Variants in PRICKLE2 observed in about 807,000 individuals in gnomAD.
The protein encoded by PRICKLE2 is prickle-like protein 2.
Under a neutral mutation model 81.4 loss-of-function variants are expected in PRICKLE2, and 21 were observed. The ratio of observed to expected loss-of-function variants is 0.26; its 90% CI spans 0.18 to 0.37. The LOEUF is 0.37. Ranked by LOEUF, PRICKLE2 falls within the 10% of genes least tolerant of loss-of-function variation. PRICKLE2 has a pLI of 1.00. For synonymous variants in PRICKLE2, 456 were observed against 421.5 expected, an observed-to-expected ratio of 1.08 and a Z score of -1.00; for missense variants, 940 against 1,109.0, an observed-to-expected ratio of 0.85 and a Z score of 2.16.
intron 7 of PRICKLE2, among the ~76,000 whole-genome samples, chr3:64,122,912 G>A (rs1330543751): frequency 2.0e-5 from 3 of 152,148 alleles, no homozygotes; most frequent in Non-Finnish European, 4.4e-5. Flanking sequence ...AAGAGAGGGA[G>A]GAACTTTGCT....
rs755914132 is a variant in PRICKLE2 at position 64,157,309 on chromosome 3, G to A, written c.453C>T (p.His151=). Residue 151 remains histidine, a synonymous_variant, in exon 5 of 8, where the codon CAC becomes CAT. Transcript: ENST00000638394. ...AGCACGGCGGGTGCCAGCAAACGCC[G>A]TGGCCAGCGCGTGACGCAAACACAG... is the stretch of plus-strand genomic sequence containing the variant. ...DIAVFASRAG[H]GVCWHPPCFV... 8.7e-6 allele frequency: 14 copies of A among 1,613,930 alleles called. No individual in the cohort carries two copies. The highest frequency in any genetic ancestry group is 3.3e-4 in the Middle Eastern group (2 of 5,972).
At chr3:64,265,782 C>T (rs962565027) in intron 2 of PRICKLE2, among the ~76,000 whole-genome samples, 32 of 152,178 alleles carry the variant, frequency 2.1e-4, no homozygotes, top group African/African-American at 5.8e-4. Flanking sequence ...TCTCATTCCT[C>T]GACACATCTG....
Position 64,225,336 on chromosome 3 carries a change from C to G in PRICKLE2, c.-467G>C, listed in dbSNP as rs1250080559. 25 of 985,280 alleles carry G rather than the reference C, an allele frequency of 2.5e-5. No homozygotes were observed. The highest frequency in any genetic ancestry group is 2.8e-5 in the Non-Finnish European group (23 of 829,984). 61.0% of individuals were successfully genotyped at this position (985,280 alleles called of 1,614,324 possible). A position where few individuals can be genotyped will look rare whatever the true frequency, so the allele number is the denominator to read the frequency against. On this transcript the variant is annotated 5_prime_UTR_variant, in exon 1 of 8. Transcript: ENST00000638394. The stretch of plus-strand genomic sequence containing the variant: ...CCAGCGTCACCAGCTGATCCTGAGC[C>G]AGACCCGGGGTGACTAGTCAGCTGC...
chr3:64,170,690 C>T (rs1299071225), intron 2 of PRICKLE2, among the ~76,000 whole-genome samples: 1 of 147,054 alleles, frequency 6.8e-6, no homozygotes, highest in Non-Finnish European at 1.5e-5. Context: ...GTAGACCATG[C>T]CTCTAGAAAC....
chr3:64,154,703 A>T (rs1449788678), intron 5 of PRICKLE2: 1 of 152,250 alleles, frequency 6.6e-6, no homozygotes, highest in South Asian at 2.1e-4. Context: ...AAAATAACGT[A>T]GACTTCATCA....
chr3:64,204,031 C>A (rs1345974976), intron 1 of PRICKLE2, among the ~76,000 whole-genome samples: 1 of 152,014 alleles, frequency 6.6e-6, no homozygotes, highest in African/African-American at 2.4e-5. Context: ...ACAACAACAA[C>A]AACAAAAACC....
chr3:64,098,978 A>G lies in PRICKLE2; in HGVS notation c.*73T>C. 1.3e-6 allele frequency: 2 copies of G among 1,587,604 alleles called. No homozygotes were observed. Among genetic ancestry groups the G allele is most frequent in the Non-Finnish European group, 1.7e-6 (2 of 1,157,214 alleles). ...AAGCCACCCCCAAAAGCGCTTTAAC[A>G]TTTAAAACAGTGCAAGTTTCTGACT... is the stretch of plus-strand genomic sequence containing the variant. On this transcript the variant is annotated 3_prime_UTR_variant, in exon 8 of 8. Transcript: ENST00000638394.
At chr3:64,214,622 A>G (rs2078843601) in intron 1 of PRICKLE2, among the ~76,000 whole-genome samples, 2 of 152,216 alleles carry the variant, frequency 1.3e-5, no homozygotes, top group Non-Finnish European at 2.9e-5. Flanking sequence ...AGGAAAGTAC[A>G]CAGAAAGAAA....
chr3:64,108,664 C>T (rs1169722006), intron 7 of PRICKLE2, among the ~76,000 whole-genome samples: 1 of 152,144 alleles, frequency 6.6e-6, no homozygotes, highest in Non-Finnish European at 1.5e-5. Context: ...TTCAAATCCA[C>T]ATTTGAACGA....
At chr3:64,203,589 G>T (rs1007896782) in intron 1 of PRICKLE2, among the ~76,000 whole-genome samples, 9 of 152,094 alleles carry the variant, frequency 5.9e-5, no homozygotes, top group Admixed American at 2.0e-4. Flanking sequence ...ACGAACTGAG[G>T]ATCCAGGAGA....
At chr3:64,135,265 G>T (rs143201905) in intron 7 of PRICKLE2, among the ~76,000 whole-genome samples, 11 of 152,186 alleles carry the variant, frequency 7.2e-5, no homozygotes, top group Non-Finnish European at 1.3e-4. Context: ...TGCTGGGTAA[G>T]AAGCAAAATG....
chr3:64,115,511 A>T (rs1096260), intron 7 of PRICKLE2, among the ~76,000 whole-genome samples: 48,413 of 152,008 alleles, frequency 0.32, 8,856 homozygotes, highest in Middle Eastern at 0.46. Context: ...AAAACCTACC[A>T]AGCAAATGGA....
intron 1 of PRICKLE2, chr3:64,200,610 C>T (rs2078554946): frequency 6.6e-6 from 1 of 151,744 alleles, no homozygotes. Context: ...GGGCATGCCA[C>T]CACGCCTGGC....
chr3:64,251,291 A>T (rs1416414599), intron 2 of PRICKLE2, among the ~76,000 whole-genome samples: 1 of 152,174 alleles, frequency 6.6e-6, no homozygotes, highest in Admixed American at 6.5e-5. Context: ...CAAACACAAA[A>T]GGATCACAGT....
chr3:64,105,034 T>C (rs1015055529), intron 7 of PRICKLE2, among the ~76,000 whole-genome samples: 1 of 152,162 alleles, frequency 6.6e-6, no homozygotes, highest in Non-Finnish European at 1.5e-5. Context: ...GATAATCAAC[T>C]AAACACTCCT....
intron 2 of PRICKLE2, chr3:64,187,695 T>C (rs139166406): frequency 2.0e-5 from 3 of 152,422 alleles, no homozygotes; most frequent in African/African-American, 4.8e-5. Context: ...CCAGCAGACC[T>C]TGGGAGATGA....
intron 3 of PRICKLE2, 93 bp from the exon 4 acceptor site, chr3:64,160,170 T>A: frequency 7.1e-7 from 1 of 1,402,194 alleles, no homozygotes; most frequent in Non-Finnish European, 1.0e-6. Flanking sequence ...TTAAATACAC[T>A]CTCATTTGGT....
At chr3:64,184,827 T>C (rs1022584587) in intron 2 of PRICKLE2, among the ~76,000 whole-genome samples, 4 of 152,206 alleles carry the variant, frequency 2.6e-5, no homozygotes, top group Non-Finnish European at 2.9e-5. Flanking sequence ...AGATGAATTC[T>C]TGACTATCCA....
intron 2 of PRICKLE2, among the ~76,000 whole-genome samples, chr3:64,253,860 T>C (rs1215984073): frequency 1.3e-5 from 2 of 152,114 alleles, no homozygotes; most frequent in Non-Finnish European, 2.9e-5. Flanking sequence ...GTGCATGAGA[T>C]CCGCTGGCCA....
Sources: gnomAD v4.1 joint callset for allele counts (sites outside exome capture counted in the v4.1 genomes callset) on GRCh38, gnomAD v4.1.1 for gene constraint, MANE v1.5 for transcripts, NCBI Gene and HGNC (gene_info 2026-07-23, HGNC 2026-07-21) for gene names.